EXD3: variants seen among roughly 807,000 people sequenced by gnomAD.
EXD3 encodes the protein exonuclease 3'-5' domain containing 3.
EXD3 carries 92 observed loss-of-function variants against 98.0 expected under a neutral mutation model. The ratio of observed to expected loss-of-function variants is 0.94; its 90% CI spans 0.79 to 1.12. EXD3 has a LOEUF of 1.12. EXD3 is among the 50% of genes most tolerant of loss of function. The probability of loss-of-function intolerance (pLI) is 0.00; values close to 1 mark genes in which losing one functional copy is unlikely to be tolerated. For missense variants in EXD3, 1,222 were observed against 1,191.6 expected, an observed-to-expected ratio of 1.03 and a Z score of -0.38; for synonymous variants, 569 against 526.0, an observed-to-expected ratio of 1.08 and a Z score of -1.12.
At chr9:137,383,479 T>G in intron 2 of EXD3, 102 bp from the exon 3 acceptor site, 1 of 857,064 alleles carries the variant, frequency 1.2e-6, no homozygotes. Flanking sequence ...TGCCTGGGGC[T>G]CCTCTGGACC....
intron 16 of EXD3, among the ~76,000 whole-genome samples, 160 bp from the exon 17 acceptor site, chr9:137,348,398 C>G (rs551543686): frequency 6.7e-6 from 1 of 149,412 alleles, no homozygotes; most frequent in East Asian, 2.0e-4. Flanking sequence ...GAAACGCAGA[C>G]AAAATGCAGT....
At position 137,352,707 on chromosome 9, in the gene EXD3, G is replaced by T. The variant is rs1366600570; in HGVS notation, c.950C>A (p.Ala317Asp). 1.3e-6 allele frequency: 2 copies of T among 1,566,490 alleles called. No homozygotes were observed. The highest frequency in any genetic ancestry group is 2.3e-5 in the South Asian group (2 of 85,200). Reference sequence around the variant, plus strand: ...CAGCAAGAGTTCCATGGCACACTGGGCGGCCGTGACTGGGTCACTGTGGGA... The same window carrying T: ...CAGCAAGAGTTCCATGGCACACTGGTCGGCCGTGACTGGGTCACTGTGGGA... ...LVSHSDPVTA[A>D]QCAMELLLPE... Residue 317 changes from alanine (A) to aspartate (D), a missense_variant, in exon 11 of 22, where the codon GCC (alanine) becomes GAC (aspartate). Coordinates refer to ENST00000340951, the MANE Select transcript of EXD3 (RefSeq NM_017820.5).
chr9:137,373,654 C>G, intron 3 of EXD3, 55 bp from the exon 4 acceptor site: 1 of 1,516,256 alleles, frequency 6.6e-7, no homozygotes, highest in South Asian at 1.2e-5. Flanking sequence ...AGCCTCCTGG[C>G]AAGGCCTCCC....
At chr9:137,312,405 C>T (rs1298895274) in intron 19 of EXD3, among the ~76,000 whole-genome samples, 1 of 152,158 alleles carries the variant, frequency 6.6e-6, no homozygotes, top group Non-Finnish European at 1.5e-5. Flanking sequence ...CACTGGGTGC[C>T]AACAGCGCCG....
At chr9:137,377,786 G>T (rs1421857099) in intron 3 of EXD3, among the ~76,000 whole-genome samples, 2 of 145,402 alleles carry the variant, frequency 1.4e-5, no homozygotes, top group African/African-American at 5.3e-5. Context: ...AATAGTCGTT[G>T]AATTTTTTTT....
intron 1 of EXD3, among the ~76,000 whole-genome samples, chr9:137,416,140 C>T (rs998702606): frequency 6.6e-6 from 1 of 152,262 alleles, no homozygotes; most frequent in African/African-American, 2.4e-5. Context: ...TGCCTGCCGC[C>T]GGCCACTGCC....
Position 137,393,687 on chromosome 9 carries a change from G to A in EXD3, c.55+1616C>T, listed in dbSNP as rs142998992. ...CAACTGCGTGGGATAGGGAAACTGA[G>A]GCAGAGAGCCTCAGCTGCTGCCATG... On this transcript the variant is annotated intron_variant, in intron 2 of 21. Transcript: ENST00000340951. The surrounding 1 kb of genome is among the most constrained non-coding windows in gnomAD (Gnocchi z 4.6). Among the ~76,000 whole-genome samples, 1 of 152,328 alleles carries A rather than the reference G, an allele frequency of 6.6e-6. No individual in the cohort carries two copies. The highest frequency in any genetic ancestry group is 1.9e-4 in the East Asian group (1 of 5,186).
intron 5 of EXD3, among the ~76,000 whole-genome samples, chr9:137,370,051 T>A (rs546863070): frequency 1.6e-4 from 24 of 151,756 alleles, no homozygotes; most frequent in Non-Finnish European, 3.5e-4. Context: ...AGGATGGAGC[T>A]CCCCTAGCTC....
Position 137,366,642 on chromosome 9 carries a change from G to T in EXD3, c.517-10C>A, listed in dbSNP as rs372548998. 2.3e-4 allele frequency: 351 copies of T among 1,556,474 alleles called. 2 individuals are homozygous for T. In the African/African-American group the frequency reaches 4.2e-3, roughly 19 times the overall value. On this transcript the variant is annotated splice_polypyrimidine_tract_variant and intron_variant, in intron 6 of 21. Coordinates refer to ENST00000340951, the MANE Select transcript of EXD3 (RefSeq NM_017820.5). ...GCAGTGGGATGCTCATCTGCAGGGG[G>T]ACACACGGTCAGGCCACAGCCTCCG...
Position 137,366,311 on chromosome 9 carries a change from C to T in EXD3, c.656+182G>A, listed in dbSNP as rs1476408597. On this transcript the variant is annotated intron_variant, in intron 7 of 21. Transcript: ENST00000340951. Reference sequence around the variant, plus strand: ...AGAAGAGGGCTGTGCTCCTGCCAGCCCCAGCCGCTCCTCTCCAGAGGCAGC... The same window carrying T: ...AGAAGAGGGCTGTGCTCCTGCCAGCTCCAGCCGCTCCTCTCCAGAGGCAGC... The T allele has an allele frequency of 3.5e-6, 3 of 852,420 alleles. No individual in the cohort carries two copies. The Admixed American group carries it at 6.0e-5, about 17-fold the overall frequency. The allele number at this position is 852,420 out of a possible 1,614,324, so 52.8% of individuals were successfully genotyped here.
intron 1 of EXD3, among the ~76,000 whole-genome samples, chr9:137,400,668 G>A (rs1837437383): frequency 6.6e-6 from 1 of 152,050 alleles, no homozygotes; most frequent in African/African-American, 2.4e-5. Flanking sequence ...GGGAGGCTGA[G>A]GCAGGAGAAT....
intron 10 of EXD3, chr9:137,354,100 GTCTGCCTGGA>G: frequency 7.9e-7 from 1 of 1,270,832 alleles, no homozygotes; most frequent in East Asian, 3.1e-5. Context: ...GGACGCTGCC[GTCTGCCTGGA>G]ACGAGGCCCA....
At chr9:137,421,440 A>C (rs1446776241) in intron 1 of EXD3, among the ~76,000 whole-genome samples, 2 of 152,244 alleles carry the variant, frequency 1.3e-5, no homozygotes, top group Admixed American at 1.3e-4. Context: ...TGTTTCAGAG[A>C]AAAACTACAG....
Position 137,307,641 on chromosome 9 carries a change from C to T in EXD3, c.2284G>A (p.Glu762Lys), listed in dbSNP as rs368951605. 9.5e-5 allele frequency: 153 copies of T among 1,609,656 alleles called. 1 individual carries two copies. In the East Asian group the frequency reaches 2.9e-3, roughly 30 times the overall value. Residue 762 changes from glutamate to lysine, a missense_variant, in exon 21 of 22, where the codon GAG becomes AAG. Coordinates refer to ENST00000340951, the MANE Select transcript of EXD3 (RefSeq NM_017820.5). The part of the protein sequence containing the change: ...HQEGPRSSGD[E>K]ATQSQAVQEP... ...TGCACCGCCTGGCTCTGGGTGGCCT[C>T]GTCACCTGTCAGTCAAGGAAGAGAG...
At chr9:137,354,808 A>G (rs763301083) in intron 8 of EXD3, 35 bp from the exon 9 acceptor site, 2 of 1,587,276 alleles carry the variant, frequency 1.3e-6, no homozygotes, top group South Asian at 2.2e-5. Context: ...CTGAGGGCTC[A>G]GGGCAGCCTC....
chr9:137,404,955 C>T (rs2131804995), intron 1 of EXD3, among the ~76,000 whole-genome samples: 1 of 152,300 alleles, frequency 6.6e-6, no homozygotes, highest in South Asian at 2.1e-4. Context: ...CAGCCCCTAC[C>T]TATCCCCTCA....
chr9:137,403,471 G>A lies in EXD3; in HGVS notation c.-47-8067C>T, dbSNP rs897799225. 3.4e-4 allele frequency among the ~76,000 whole-genome samples: 51 copies of A among 151,896 alleles called. No homozygotes were observed. Among genetic ancestry groups the A allele is most frequent in the African/African-American group, 1.1e-3 (45 of 41,342 alleles). ...CCCTGGCCCAGGGTCTCCGAGGGTCGGGGGCCGCAGGGTCTGGCAGCACCC... is the reference window on the plus strand; with the variant it reads ...CCCTGGCCCAGGGTCTCCGAGGGTCAGGGGCCGCAGGGTCTGGCAGCACCC... On this transcript the variant is annotated intron_variant, in intron 1 of 21. Coordinates refer to ENST00000340951, the MANE Select transcript of EXD3 (RefSeq NM_017820.5). The surrounding 1 kb of genome is among the most constrained non-coding windows in gnomAD (Gnocchi z 6.1).
At chr9:137,310,560 A>G (rs985710494) in intron 19 of EXD3, among the ~76,000 whole-genome samples, 10 of 152,286 alleles carry the variant, frequency 6.6e-5, no homozygotes, top group African/African-American at 2.2e-4. Flanking sequence ...CCAACCTGCC[A>G]GGCTTACTGC....
At chr9:137,350,048 G>A (rs1362439351) in intron 14 of EXD3, among the ~76,000 whole-genome samples, 2 of 135,648 alleles carry the variant, frequency 1.5e-5, no homozygotes, top group East Asian at 4.8e-4. Context: ...GGATCACGGG[G>A]AAGGTTCTAG....
Sources: gnomAD v4.1 joint callset for allele counts (sites outside exome capture counted in the v4.1 genomes callset) on GRCh38, gnomAD v4.1.1 for gene constraint, Gnocchi (gnomAD v3.1) non-coding constraint, MANE v1.5 for transcripts, NCBI Gene and HGNC (gene_info 2026-07-23, HGNC 2026-07-21) for gene names.